TDRD3: variants seen among roughly 807,000 people sequenced by gnomAD.
TDRD3 encodes the protein tudor domain containing 3, also known as tudor domain-containing protein 3.
In TDRD3, 45 loss-of-function variants were observed where a neutral mutation model predicts 86.7. That is an observed-to-expected ratio of 0.52 (90% CI 0.41 to 0.67). The LOEUF (loss-of-function observed/expected upper bound fraction) is 0.67. TDRD3 is among the 30% of genes least tolerant of loss of function. The pLI, the probability that TDRD3 is intolerant of heterozygous loss-of-function variation, is 0.00. For synonymous variants in TDRD3, 298 were observed against 301.7 expected (o/e 0.99, Z 0.13); for missense variants, 814 against 889.0 (o/e 0.92, Z 1.07).
At chr13:60,566,970 C>T (rs368820496) in intron 12 of TDRD3, among the ~76,000 whole-genome samples, 10 of 152,256 alleles carry the variant, frequency 6.6e-5, no homozygotes, top group African/African-American at 2.4e-4. Context: ...TATTCCTCCC[C>T]TATTCCAAAC....
intron 12 of TDRD3, chr13:60,547,287 T>C (rs926707716): frequency 6.1e-6 from 6 of 985,304 alleles, no homozygotes; most frequent in Admixed American, 6.1e-5. Flanking sequence ...CTGAAAGGAT[T>C]TGGTGAAAAG....
intron 1 of TDRD3, among the ~76,000 whole-genome samples, chr13:60,435,961 G>A (rs919188857): frequency 7.8e-6 from 1 of 127,630 alleles, no homozygotes; most frequent in African/African-American, 2.6e-5. Flanking sequence ...TCTTAGAGGA[G>A]TAAGGTGGTT....
At chr13:60,533,651 A>G (rs1317032840) in intron 11 of TDRD3, among the ~76,000 whole-genome samples, 1 of 150,536 alleles carries the variant, frequency 6.6e-6, no homozygotes, top group African/African-American at 2.5e-5. Flanking sequence ...AAAAAAAAAG[A>G]GAGATGCTAT....
intron 12 of TDRD3, among the ~76,000 whole-genome samples, chr13:60,567,096 A>G (rs571694509): frequency 6.6e-6 from 1 of 152,286 alleles, no homozygotes; most frequent in Non-Finnish European, 1.5e-5. Flanking sequence ...TCTTTATTCT[A>G]CCAAAACACT....
At chr13:60,464,026 G>T (rs1467836431) in intron 4 of TDRD3, among the ~76,000 whole-genome samples, 2 of 152,086 alleles carry the variant, frequency 1.3e-5, no homozygotes, top group Non-Finnish European at 2.9e-5. Context: ...GTTAAAAAGA[G>T]CCTGGCACCT....
intron 2 of TDRD3, among the ~76,000 whole-genome samples, chr13:60,441,984 G>A (rs1307992116): frequency 6.6e-6 from 1 of 152,184 alleles, no homozygotes; most frequent in Non-Finnish European, 1.5e-5. Flanking sequence ...TAGTTAGGGA[G>A]TGGTCCAAGT....
intron 10 of TDRD3, among the ~76,000 whole-genome samples, chr13:60,524,870 G>C (rs966544624): frequency 6.6e-6 from 1 of 151,562 alleles, no homozygotes; most frequent in Admixed American, 6.6e-5. Flanking sequence ...AGGCCTAGGC[G>C]GGTAGATCAT....
chr13:60,411,448 G>T (rs1954364445), intron 1 of TDRD3, among the ~76,000 whole-genome samples: 1 of 152,108 alleles, frequency 6.6e-6, no homozygotes, highest in African/African-American at 2.4e-5. Context: ...CATTTATTTT[G>T]ATATTATTTT....
chr13:60,511,044 G>A (rs574226932), intron 10 of TDRD3, among the ~76,000 whole-genome samples: 1 of 151,834 alleles, frequency 6.6e-6, no homozygotes, highest in Non-Finnish European at 1.5e-5. Flanking sequence ...TTGTTGTGTT[G>A]GAAATTTATT....
At position 60,485,792 on chromosome 13, in the gene TDRD3, T is replaced by G. The variant is rs1289766339; in HGVS notation, c.568-7T>G. 1.3e-6 allele frequency: 2 copies of G among 1,560,956 alleles called. No homozygotes were observed. Among genetic ancestry groups the G allele is most frequent in the Non-Finnish European group, 1.7e-6 (2 of 1,156,188 alleles). On this transcript the variant is annotated splice_polypyrimidine_tract_variant and splice_region_variant and intron_variant, in intron 6 of 13. Transcript: ENST00000377881. The stretch of plus-strand genomic sequence containing the variant: ...CTAAGTTGACTTATTCTTACTTGTT[T>G]TACTAGAAGTGTGTATCTCATGTCC...
intron 1 of TDRD3, among the ~76,000 whole-genome samples, chr13:60,421,456 A>G (rs766547169): frequency 3.9e-5 from 6 of 152,222 alleles, no homozygotes; most frequent in Non-Finnish European, 5.9e-5. Context: ...TATGGGAGCT[A>G]CAATTCGAGA....
At chr13:60,488,728 C>T (rs573303739) in intron 7 of TDRD3, among the ~76,000 whole-genome samples, 50 of 152,106 alleles carry the variant, frequency 3.3e-4, no homozygotes, top group African/African-American at 1.1e-3. Context: ...TGTGCACCAC[C>T]GTGTCTGGCT....
At chr13:60,547,162 A>G (rs1368535110) in intron 12 of TDRD3, 7 of 662,034 alleles carry the variant, frequency 1.1e-5, no homozygotes, top group South Asian at 6.8e-5. Context: ...TGAGGTTGCA[A>G]TGAATTTCAC....
chr13:60,412,909 T>A (rs529884982), intron 1 of TDRD3, among the ~76,000 whole-genome samples: 12 of 152,278 alleles, frequency 7.9e-5, no homozygotes, highest in African/African-American at 2.6e-4. Context: ...TGATTATAGA[T>A]CTCTACATAT....
rs758471917 is a variant in TDRD3 at position 60,494,489 on chromosome 13, G to A, written c.772G>A (p.Ala258Thr). ...TGCTAGAAGTAATCTCAATATGAAT[G>A]CTGCTGGTAACCGAAATAGGGAAGT... Reference protein sequence around the residue: ...GGARSNLNMNAAGNRNREVLQ... With the variant: ...GGARSNLNMNTAGNRNREVLQ... The change falls in exon 8 of 14, where the codon GCT becomes ACT. Residue 258 changes from alanine to threonine, a missense_variant. Physicochemically the swap from Ala to Thr is moderately conservative, Grantham distance 58 (BLOSUM62 0). Coordinates refer to ENST00000377881, the MANE Select transcript of TDRD3 (RefSeq NM_001146070.2). The A allele has an allele frequency of 6.2e-7, 1 of 1,613,786 alleles. No individual in the cohort carries two copies. The highest frequency in any genetic ancestry group is 1.3e-5 in the African/African-American group (1 of 75,016).
chr13:60,548,283 T>C (rs1302516986), intron 12 of TDRD3, among the ~76,000 whole-genome samples: 2 of 152,130 alleles, frequency 1.3e-5, no homozygotes, highest in African/African-American at 4.8e-5. Context: ...TATTGGGTGC[T>C]CAGTTTATAG....
intron 8 of TDRD3, among the ~76,000 whole-genome samples, chr13:60,494,931 A>T (rs1418545534): frequency 6.6e-6 from 1 of 152,150 alleles, no homozygotes; most frequent in Non-Finnish European, 1.5e-5. Context: ...TTTGTTTTCT[A>T]CTGCTCTTTG....
intron 1 of TDRD3, among the ~76,000 whole-genome samples, chr13:60,399,830 GAA>G (rs971600107): frequency 1.3e-5 from 2 of 152,208 alleles, no homozygotes; most frequent in Non-Finnish European, 2.9e-5. Context: ...ATTTAGTGCT[GAA>G]AAGTTTACAA....
At chr13:60,560,667 C>CT (rs538118189) in intron 12 of TDRD3, among the ~76,000 whole-genome samples, 69 of 152,112 alleles carry the variant, frequency 4.5e-4, no homozygotes, top group African/African-American at 7.9e-4. Context: ...TTAGATTGTG[C>CT]TTTACTAAGA....
Sources: gnomAD v4.1 joint callset for allele counts (sites outside exome capture counted in the v4.1 genomes callset) on GRCh38, gnomAD v4.1.1 for gene constraint, MANE v1.5 for transcripts, NCBI Gene and HGNC (gene_info 2026-07-23, HGNC 2026-07-21) for gene names.